Variants in DNAH12 observed in about 807,000 individuals in gnomAD.
DNAH12 encodes dynein axonemal heavy chain 12, also known as axonemal beta dynein heavy chain 12.
A neutral mutation model predicts 371.5 loss-of-function variants in DNAH12; 285 were observed. The ratio of observed to expected loss-of-function variants is 0.77; its 90% CI spans 0.70 to 0.85. The LOEUF (loss-of-function observed/expected upper bound fraction) is 0.85. Ranked by LOEUF, DNAH12 falls within the 40% of genes least tolerant of loss-of-function variation. DNAH12 has a pLI of 0.00. For missense variants in DNAH12, 3,611 were observed against 3,689.4 expected (o/e 0.98, Z 0.55); for synonymous variants, 1,200 against 1,213.0 (o/e 0.99, Z 0.22).
intron 62 of DNAH12, among the ~76,000 whole-genome samples, chr3:57,324,314 T>C (rs1199331375): frequency 1.3e-5 from 2 of 152,162 alleles, no homozygotes; most frequent in African/African-American, 4.8e-5. Flanking sequence ...TATACGCTAA[T>C]ACTCATAATA....
At chr3:57,460,324 C>T (rs2066021069) in intron 19 of DNAH12, among the ~76,000 whole-genome samples, 1 of 152,086 alleles carries the variant, frequency 6.6e-6, no homozygotes, top group Non-Finnish European at 1.5e-5. Flanking sequence ...TCTACATCAA[C>T]ACAATTTGGA....
At chr3:57,531,719 C>T (rs1354165738) in intron 2 of DNAH12, among the ~76,000 whole-genome samples, 1 of 136,026 alleles carries the variant, frequency 7.4e-6, no homozygotes, top group Admixed American at 7.9e-5. Context: ...GCTGAGATCA[C>T]ACCACTGTAC....
chr3:57,331,841 G>A (rs532345604), intron 62 of DNAH12, among the ~76,000 whole-genome samples: 197 of 152,202 alleles, frequency 1.3e-3, no homozygotes, highest in Non-Finnish European at 2.2e-3. Flanking sequence ...CCAGTTTAGT[G>A]AGAGTCCCCT....
chr3:57,461,747 A>T (rs1283446818), intron 18 of DNAH12, 58 bp from the exon 19 acceptor site: 14 of 1,379,876 alleles, frequency 1.0e-5, no homozygotes, highest in African/African-American at 1.4e-5. Context: ...TATTTACTAT[A>T]TTGACTTTCC....
chr3:57,459,606 CACAAA>C lies in DNAH12; in HGVS notation c.2912_2916del (p.Phe971CysfsTer2), dbSNP rs2065996432. The stretch of plus-strand genomic sequence containing the variant: ...AAACACTTCACCTTTGGATCTTTAG[CACAAA>C]ACTTCATGATATCTCTCCAGTGTCT... On this transcript the variant is annotated frameshift_variant, in exon 20 of 74. Transcript: ENST00000495027. LOFTEE classifies it high-confidence loss of function. The C allele has an allele frequency of 6.7e-7, 1 of 1,498,780 alleles. No individual in the cohort carries two copies. Among genetic ancestry groups the C allele is most frequent in the Admixed American group, 2.1e-5 (1 of 48,592 alleles). The allele number at this position is 1,498,780 out of a possible 1,614,324, so 92.8% of individuals were successfully genotyped here.
At chr3:57,506,448 A>C (rs996081966) in intron 8 of DNAH12, among the ~76,000 whole-genome samples, 1 of 151,444 alleles carries the variant, frequency 6.6e-6, no homozygotes, top group African/African-American at 2.4e-5. Flanking sequence ...TTACTTATTT[A>C]TTTATTATCT....
At chr3:57,444,478 A>C (rs2065411574) in intron 29 of DNAH12, among the ~76,000 whole-genome samples, 1 of 152,040 alleles carries the variant, frequency 6.6e-6, no homozygotes, top group African/African-American at 2.4e-5. Context: ...GGTGTGAAAC[A>C]CCGTGCCTGG....
chr3:57,318,605 A>G (rs2061737210), intron 65 of DNAH12, among the ~76,000 whole-genome samples: 1 of 152,054 alleles, frequency 6.6e-6, no homozygotes, highest in African/African-American at 2.4e-5. Flanking sequence ...CTTTTTGAGT[A>G]CCAACATGAT....
At chr3:57,465,334 C>T (rs963779159) in intron 17 of DNAH12, among the ~76,000 whole-genome samples, 1 of 152,098 alleles carries the variant, frequency 6.6e-6, no homozygotes. Flanking sequence ...GTGAATGTTT[C>T]TCTAAAATAA....
chr3:57,500,164 C>A (rs561062006), intron 11 of DNAH12, among the ~76,000 whole-genome samples: 1 of 146,682 alleles, frequency 6.8e-6, no homozygotes, highest in Non-Finnish European at 1.5e-5. Flanking sequence ...CTCAGCCCCC[C>A]CTAGTAGCTG....
intron 13 of DNAH12, among the ~76,000 whole-genome samples, chr3:57,482,496 T>C (rs2066778869): frequency 6.6e-6 from 1 of 152,140 alleles, no homozygotes; most frequent in East Asian, 1.9e-4. Flanking sequence ...AGTTCAACCA[T>C]TGTGGAATTC....
At chr3:57,435,144 G>A (rs1377266056) in intron 30 of DNAH12, among the ~76,000 whole-genome samples, 1 of 152,024 alleles carries the variant, frequency 6.6e-6, no homozygotes, top group Middle Eastern at 3.2e-3. Context: ...GGCCAAGGTG[G>A]GCAGATCACT....
chr3:57,534,662 C>T (rs1250653608), intron 2 of DNAH12, among the ~76,000 whole-genome samples: 1 of 152,072 alleles, frequency 6.6e-6, no homozygotes, highest in Non-Finnish European at 1.5e-5. Flanking sequence ...GCATATGCCA[C>T]CATGCCCGGC....
chr3:57,406,112 AG>A (rs1309081873), intron 40 of DNAH12, among the ~76,000 whole-genome samples, 160 bp from the exon 41 acceptor site: 2 of 152,104 alleles, frequency 1.3e-5, no homozygotes, highest in Non-Finnish European at 2.9e-5. Flanking sequence ...GCACTTTTGG[AG>A]GCTGAGGTGG....
At chr3:57,482,578 A>T (rs925697047) in intron 13 of DNAH12, among the ~76,000 whole-genome samples, 16 of 152,150 alleles carry the variant, frequency 1.1e-4, no homozygotes, top group Non-Finnish European at 1.5e-4. Context: ...CTGGGTATAT[A>T]CCCAAAGGAT....
the DNAH12 span, among the ~76,000 whole-genome samples, chr3:57,551,920 TCAGA>T: frequency 6.7e-6 from 1 of 149,866 alleles, no homozygotes; most frequent in Non-Finnish European, 1.5e-5. Context: ...TAGAAATAAC[TCAGA>T]CATTTTACTT....
chr3:57,347,631 G>C (rs889869719), intron 60 of DNAH12, among the ~76,000 whole-genome samples: 1 of 150,790 alleles, frequency 6.6e-6, no homozygotes, highest in South Asian at 2.1e-4. Flanking sequence ...CAGGAGAATC[G>C]ATTGAACCCA....
chr3:57,445,882 G>A lies in DNAH12; in HGVS notation c.4179+149C>T, dbSNP rs561736087. ...GTGTGCCTCTAGTCCCAGCTACTCG[G>A]GAGACTGAGGCAAGAGAATCGCTTG... On this transcript the variant is annotated intron_variant, in intron 27 of 73. Coordinates refer to ENST00000495027, the MANE Select transcript of DNAH12 (RefSeq NM_001366028.2). 5.2e-5 allele frequency: 34 copies of A among 658,740 alleles called. No homozygotes were observed. In the East Asian group the frequency reaches 1.2e-3, roughly 23 times the overall value. The allele number at this position is 658,740 out of a possible 1,614,324, so 40.8% of individuals were successfully genotyped here. A position where few individuals can be genotyped will look rare whatever the true frequency, so the allele number is the denominator to read the frequency against.
chr3:57,324,950 A>C (rs2061902240), intron 62 of DNAH12, among the ~76,000 whole-genome samples: 1 of 152,218 alleles, frequency 6.6e-6, no homozygotes, highest in African/African-American at 2.4e-5. Flanking sequence ...TCCTACGCCC[A>C]TGAAGTCTCG....
Sources: allele counts gnomAD v4.1 joint callset (sites outside exome capture counted in the v4.1 genomes callset), GRCh38; gene constraint gnomAD v4.1.1; transcripts MANE v1.5; gene names NCBI Gene and HGNC (gene_info 2026-07-23, HGNC 2026-07-21).